The following SYNE2 variants were observed in gnomAD, a reference collection of about 807,000 sequenced individuals.
The protein encoded by SYNE2 is nesprin-2.
Under a neutral mutation model 856.3 loss-of-function variants are expected in SYNE2, and 431 were observed. That is an observed-to-expected ratio of 0.50 (90% CI 0.47 to 0.55). The LOEUF is 0.55. Among genes scored for constraint, SYNE2 ranks in the 20% least tolerant of loss-of-function variants. The probability of loss-of-function intolerance (pLI) is 0.00; values close to 1 mark genes in which losing one functional copy is unlikely to be tolerated. For missense variants in SYNE2, 8,129 were observed against 8,023.2 expected (o/e 1.01, Z -0.50); for synonymous variants, 2,923 against 2,872.3 (o/e 1.02, Z -0.56).
intron 45 of SYNE2, among the ~76,000 whole-genome samples, chr14:64,037,815 C>T (rs1343221748): frequency 1.4e-5 from 2 of 147,136 alleles, no homozygotes; most frequent in Middle Eastern, 3.7e-3. Flanking sequence ...CCTCACCTCC[C>T]GGACGGGGCG....
At chr14:64,137,302 C>T (rs1198082302) in intron 78 of SYNE2, among the ~76,000 whole-genome samples, 1 of 152,206 alleles carries the variant, frequency 6.6e-6, no homozygotes, top group East Asian at 1.9e-4. Flanking sequence ...TGGGTTCCAG[C>T]AATTCTCCTG....
At chr14:63,953,543 G>GAGAGAGAT (rs772140692) in intron 7 of SYNE2, among the ~76,000 whole-genome samples, 1,071 of 90,600 alleles carry the variant, frequency 0.012, 17 homozygotes, top group African/African-American at 0.027. Context: ...GAGAGAGAGA[G>GAGAGAGAT]AGATAGATAG....
At chr14:63,887,994 C>T (rs1175535188) in intron 1 of SYNE2, among the ~76,000 whole-genome samples, 4 of 152,092 alleles carry the variant, frequency 2.6e-5, no homozygotes, top group Admixed American at 1.3e-4. Flanking sequence ...CTCAAGTGAT[C>T]TGCCCGCCTT....
At chr14:64,188,490 G>A (rs745383958) in intron 97 of SYNE2, 60 bp from the exon 98 acceptor site, 5 of 1,598,448 alleles carry the variant, frequency 3.1e-6, no homozygotes, top group Non-Finnish European at 4.3e-6. Context: ...TTTTGAGGGA[G>A]AGAAGGGGGT....
In SYNE2 at chr14:64,225,338, C is replaced by T. The variant is rs147848144; in HGVS notation, c.20536C>T (p.Pro6846Ser). The change falls in exon 116 of 116, where the codon CCA (proline) becomes TCA (serine). Residue 6846 changes from proline to serine, a missense_variant. Physicochemically the swap from Pro to Ser is moderately conservative, Grantham distance 74 (BLOSUM62 -1). Coordinates refer to ENST00000555002, the MANE Select transcript of SYNE2 (RefSeq NM_182914.3). ...TGGCAGGGTCCCCGGCAGCACACGG[C>T]CACAGCGCTCCTTCCTCTCAAGGGT... ...TESRVPGSTR[P>S]QRSFLSRVVR... 1,057 of 1,614,118 alleles carry T rather than the reference C, an allele frequency of 6.5e-4. 1 individual carries two copies. Among genetic ancestry groups the T allele is most frequent in the Non-Finnish European group, 8.2e-4 (973 of 1,180,008 alleles).
chr14:63,927,097 C>A (rs559315562), intron 2 of SYNE2, among the ~76,000 whole-genome samples: 1 of 152,158 alleles, frequency 6.6e-6, no homozygotes, highest in Admixed American at 6.5e-5. Context: ...GCCCACACAG[C>A]GCCTCCTAGG....
intron 95 of SYNE2, among the ~76,000 whole-genome samples, chr14:64,176,809 T>G (rs2098437421): frequency 6.7e-6 from 1 of 148,834 alleles, no homozygotes; most frequent in African/African-American, 2.6e-5. Context: ...ATTTATTTAT[T>G]TATTTTAAGA....
chr14:64,209,878 G>A (rs12434688), intron 102 of SYNE2, 64 bp from the exon 103 acceptor site: 1 of 1,608,594 alleles, frequency 6.2e-7, no homozygotes, highest in Admixed American at 1.7e-5. Context: ...TTGGGATGTA[G>A]AAGGGAAGGA....
intron 2 of SYNE2, among the ~76,000 whole-genome samples, chr14:63,922,630 A>G (rs557397832): frequency 2.0e-5 from 3 of 152,216 alleles, no homozygotes; most frequent in Admixed American, 6.5e-5. Context: ...TCTCTATAAA[A>G]AATACTCATG....
chr14:63,990,594 A>C (rs1365986122), intron 20 of SYNE2, 25 bp downstream of exon 20: 1 of 1,610,460 alleles, frequency 6.2e-7, no homozygotes, highest in East Asian at 2.2e-5. Flanking sequence ...TTCCCTATTT[A>C]GTAATTCTGT....
In SYNE2 at chr14:64,065,455, A is replaced by G. The variant is rs754436142; in HGVS notation, c.10236A>G (p.Ser3412=). The G allele has an allele frequency of 1.9e-6, 3 of 1,614,094 alleles. No homozygotes were observed. In the South Asian group the frequency reaches 3.3e-5, roughly 18 times the overall value. The change falls in exon 51 of 116, where the codon TCA becomes TCG. Residue 3412 remains serine, a synonymous_variant. Transcript: ENST00000555002. ...QSKALVSNLI[S]TKEELMKLRQ... ...AGGCCTTGGTGTCAAATCTTATATC[A>G]ACCAAAGAAGAGTTAATGAAACTAC...
intron 8 of SYNE2, among the ~76,000 whole-genome samples, chr14:63,957,777 A>T (rs78002739): frequency 0.01 from 1,586 of 152,194 alleles, 24 homozygotes; most frequent in African/African-American, 0.036. Context: ...TGGCCGAGCT[A>T]GTGCTGATCA....
intron 98 of SYNE2, chr14:64,189,126 G>C (rs1222252648): frequency 9.7e-6 from 6 of 620,186 alleles, no homozygotes; most frequent in African/African-American, 1.8e-5. Flanking sequence ...CTGAGGTCAA[G>C]AGTTCAAGAC....
intron 70 of SYNE2, 68 bp downstream of exon 70, chr14:64,122,495 TA>T: frequency 6.2e-7 from 1 of 1,601,064 alleles, no homozygotes; most frequent in Non-Finnish European, 8.6e-7. Flanking sequence ...ATTCATTAAA[TA>T]AACATGTATA....
In SYNE2 at chr14:64,143,968, C is replaced by T; in HGVS notation, c.15483+20C>T. On this transcript the variant is annotated intron_variant, in intron 83 of 115. Coordinates refer to ENST00000555002, the MANE Select transcript of SYNE2 (RefSeq NM_182914.3). ...AGAAAGGTGTGTTCCTGCGTCACAA[C>T]TGGATGTGTGGTTTGACCTTTATGA... is the stretch of plus-strand genomic sequence containing the variant. 1 of 1,613,946 alleles carries T rather than the reference C, an allele frequency of 6.2e-7. No individual in the cohort carries two copies. The highest frequency in any genetic ancestry group is 8.5e-7 in the Non-Finnish European group (1 of 1,179,848).
intron 113 of SYNE2, among the ~76,000 whole-genome samples, chr14:64,224,205 C>T (rs898974314): frequency 2.9e-5 from 3 of 102,204 alleles, no homozygotes; most frequent in East Asian, 2.5e-4. Context: ...AAAAAAAATA[C>T]AAAACCAGGT....
At chr14:63,968,683 T>C (rs1318114814) in intron 11 of SYNE2, among the ~76,000 whole-genome samples, 1 of 152,202 alleles carries the variant, frequency 6.6e-6, no homozygotes, top group African/African-American at 2.4e-5. Flanking sequence ...ATGTTAACTT[T>C]TAAAAAAATT....
In SYNE2 at chr14:63,954,872, T is replaced by G. The variant is rs771438833; in HGVS notation, c.744T>G (p.Ile248Met). 1.2e-5 allele frequency: 20 copies of G among 1,613,724 alleles called. No homozygotes were observed. The highest frequency in any genetic ancestry group is 1.7e-5 in the Non-Finnish European group (20 of 1,179,934). Residue 248 changes from isoleucine (I) to methionine (M), a missense_variant, in exon 8 of 116, where the codon ATT (isoleucine) becomes ATG (methionine). Ile to Met is a conservative substitution (Grantham distance 10). This residue lies in a region of SYNE2 where 2,422 missense variants were observed against 2,357.4 expected (regional missense o/e 1.03). Coordinates refer to ENST00000555002, the MANE Select transcript of SYNE2 (RefSeq NM_182914.3). ...ACAATCTGAGAGAGGCCTTCAGAAT[T>G]GCAGAACAAGAATTAAAAATCCCCA... Reference protein sequence around the residue: ...NKDNLREAFRIAEQELKIPRL... With the variant: ...NKDNLREAFRMAEQELKIPRL...
Position 64,056,016 on chromosome 14 carries a change from A to T in SYNE2, c.9817A>T (p.Thr3273Ser). The T allele has an allele frequency of 6.2e-7, 1 of 1,614,112 alleles. No homozygotes were observed. Among genetic ancestry groups the T allele is most frequent in the Non-Finnish European group, 8.5e-7 (1 of 1,179,958 alleles). The change falls in exon 49 of 116, where the codon ACT becomes TCT. Residue 3273 changes from threonine (T) to serine (S), a missense_variant. This residue lies in a region of SYNE2 where 5,410 missense variants were observed against 5,284.8 expected (regional missense o/e 1.02). Transcript: ENST00000555002. The part of the protein sequence containing the change: ...EAVTRAVESI[T>S]SLEAIIIPYR... ...AGTCACCAGGGCAGTGGAGAGCATC[A>T]CTTCCCTCGAAGCCATCATTATACC... is the stretch of plus-strand genomic sequence containing the variant.
Sources: allele counts gnomAD v4.1 joint callset (sites outside exome capture counted in the v4.1 genomes callset), GRCh38; gene constraint gnomAD v4.1.1; regional missense constraint gnomAD v4.1.1; transcripts MANE v1.5; gene names NCBI Gene and HGNC (gene_info 2026-07-23, HGNC 2026-07-21).